Variants in TEF observed in about 807,000 individuals in gnomAD.
The protein encoded by TEF is TEF transcription factor, PAR bZIP family member.
A neutral mutation model predicts 20.8 loss-of-function variants in TEF; 3 were observed. The ratio of observed to expected loss-of-function variants is 0.14; its 90% CI spans 0.07 to 0.37. The LOEUF is 0.37. Among genes scored for constraint, TEF ranks in the 10% least tolerant of loss-of-function variants. TEF has a pLI of 1.00. For synonymous variants in TEF, 180 were observed against 171.1 expected, an observed-to-expected ratio of 1.05 and a Z score of -0.41; for missense variants, 296 against 397.9, an observed-to-expected ratio of 0.74 and a Z score of 2.18.
Position 41,387,483 on chromosome 22 carries a change from A to C in TEF, c.290A>C (p.Glu97Ala), listed in dbSNP as rs1914382406. Reference protein sequence around the residue: ...IPYDGESFHLEYMDLDEFLLE... With the variant: ...IPYDGESFHLAYMDLDEFLLE... ...TATGATGGCGAATCTTTCCACCTGG[A>C]GTACATGGACCTGGATGAGTTCCTG... The change falls in exon 2 of 4, where the codon GAG becomes GCG. Residue 97 changes from glutamate to alanine, a missense_variant. Physicochemically the swap from Glu to Ala is moderately radical, Grantham distance 107. Transcript: ENST00000266304. 6.2e-7 allele frequency: 1 copy of C among 1,614,066 alleles called. No homozygotes were observed. Among genetic ancestry groups the C allele is most frequent in the African/African-American group, 1.3e-5 (1 of 74,920 alleles).
intron 3 of TEF, 62 bp downstream of exon 3, chr22:41,394,378 C>A: frequency 6.8e-7 from 1 of 1,468,652 alleles, no homozygotes; most frequent in Non-Finnish European, 9.2e-7. Context: ...GGGGATATGG[C>A]TCCTCGCATT....
At chr22:41,391,615 C>T (rs5751091) in intron 2 of TEF, among the ~76,000 whole-genome samples, 4 of 149,524 alleles carry the variant, frequency 2.7e-5, no homozygotes, top group Non-Finnish European at 4.4e-5. Flanking sequence ...CACACCAGGC[C>T]GGCATCTGAC....
intron 1 of TEF, chr22:41,369,009 A>T (rs2036850696): frequency 1.0e-6 from 1 of 956,096 alleles, no homozygotes; most frequent in African/African-American, 1.8e-5. Flanking sequence ...GCTAAGGTAG[A>T]GGGTCCCCTC....
rs570599829 is a variant in TEF, at chr22:41,395,984, G to A, written c.*24G>A. 4.4e-6 allele frequency: 7 copies of A among 1,601,082 alleles called. No homozygotes were observed. The highest frequency in any genetic ancestry group is 6.0e-6 in the Non-Finnish European group (7 of 1,170,252). On this transcript the variant is annotated 3_prime_UTR_variant, in exon 4 of 4. Coordinates refer to ENST00000266304, the MANE Select transcript of TEF (RefSeq NM_003216.4). ...AACCCGTGCCCCCCGCCCGGGCGGG[G>A]TACTGCCTGCACCTCAGACCTCTGC...
At chr22:41,386,276 C>G (rs1265946906) in intron 1 of TEF, among the ~76,000 whole-genome samples, 8 of 151,670 alleles carry the variant, frequency 5.3e-5, no homozygotes, top group Non-Finnish European at 8.8e-5. Context: ...CCAGTCTCTA[C>G]TAAATACAAA....
At chr22:41,372,264 C>A (rs1038712411) in intron 1 of TEF, among the ~76,000 whole-genome samples, 3 of 152,054 alleles carry the variant, frequency 2.0e-5, no homozygotes, top group Admixed American at 2.0e-4. Context: ...TCTCTACCTG[C>A]CCCCCACCCC....
Position 41,394,190 on chromosome 22 carries a change from G to C in TEF, c.570G>C (p.Leu190=). The C allele has an allele frequency of 6.2e-7, 1 of 1,614,152 alleles. No individual in the cohort carries two copies. The highest frequency in any genetic ancestry group is 2.2e-5 in the East Asian group (1 of 44,892). ...ACTTCAATCCGGACCCCGCCGACCT[G>C]GTGCTCTCCAGTGTGCCAGGCGGGG... is the stretch of plus-strand genomic sequence containing the variant. ...DVNFNPDPAD[L]VLSSVPGGEL... The change falls in exon 3 of 4, where the codon CTG becomes CTC. Residue 190 remains leucine (L), a synonymous_variant. Transcript: ENST00000266304.
chr22:41,370,802 C>T (rs796265771), intron 1 of TEF, among the ~76,000 whole-genome samples: 12 of 152,176 alleles, frequency 7.9e-5, no homozygotes, highest in South Asian at 6.2e-4. Flanking sequence ...CAGCCCAGCC[C>T]GTGTAGACCT....
chr22:41,381,945 G>C lies in TEF; in HGVS notation c.-100G>C. On this transcript the variant is annotated 5_prime_UTR_variant, in exon 1 of 4. Coordinates refer to ENST00000266304, the MANE Select transcript of TEF (RefSeq NM_003216.4). Reference sequence around the variant, plus strand: ...GGGGGCGCCATTGGGCGCCTGCGCAGTAGCTGCCCGTGTCGGCAGCTGCAG... The same window carrying C: ...GGGGGCGCCATTGGGCGCCTGCGCACTAGCTGCCCGTGTCGGCAGCTGCAG... 1 of 1,226,952 alleles carries C rather than the reference G, an allele frequency of 8.2e-7. No individual in the cohort carries two copies. Among genetic ancestry groups the C allele is most frequent in the Admixed American group, 4.2e-5 (1 of 23,542 alleles). 76.0% of individuals were successfully genotyped at this position (1,226,952 alleles called of 1,614,324 possible).
chr22:41,382,036 C>T lies in TEF; in HGVS notation c.-9C>T, dbSNP rs1320461207. The stretch of plus-strand genomic sequence containing the variant: ...GGAGGCGAGGTGCGCGAGCCGAGTC[C>T]GGGGCACGATGTCCGACGCGGGCGG... On this transcript the variant is annotated 5_prime_UTR_variant, in exon 1 of 4. Coordinates refer to ENST00000266304, the MANE Select transcript of TEF (RefSeq NM_003216.4). 3.3e-6 allele frequency: 4 copies of T among 1,230,038 alleles called. No individual in the cohort carries two copies. Among genetic ancestry groups the T allele is most frequent in the Non-Finnish European group, 4.1e-6 (4 of 987,052 alleles). The allele number at this position is 1,230,038 out of a possible 1,614,324, so 76.2% of individuals were successfully genotyped here.
At chr22:41,395,595 G>T in intron 3 of TEF, 150 bp from the exon 4 acceptor site, 1 of 717,260 alleles carries the variant, frequency 1.4e-6, no homozygotes, top group Non-Finnish European at 2.3e-6. Flanking sequence ...TGCCCTCAAT[G>T]TGCCCTGGTT....
At chr22:41,388,388 C>T (rs766798450) in intron 2 of TEF, among the ~76,000 whole-genome samples, 2 of 151,614 alleles carry the variant, frequency 1.3e-5, no homozygotes, top group African/African-American at 2.4e-5. Flanking sequence ...CGGATTGAAG[C>T]GATTTTTATT....
intron 2 of TEF, among the ~76,000 whole-genome samples, chr22:41,390,157 T>G (rs2037148674): frequency 6.6e-6 from 1 of 152,180 alleles, no homozygotes; most frequent in Non-Finnish European, 1.5e-5. Flanking sequence ...TCCAAAGTTC[T>G]GGGATTACAA....
chr22:41,389,988 C>T (rs2037147166), intron 2 of TEF, among the ~76,000 whole-genome samples: 4 of 151,904 alleles, frequency 2.6e-5, no homozygotes, highest in African/African-American at 4.8e-5. Flanking sequence ...CAACCTCCGC[C>T]TCCTGGGTTT....
At chr22:41,382,225 GC>G in intron 1 of TEF, 24 bp downstream of exon 1, 1 of 1,227,350 alleles carries the variant, frequency 8.1e-7, no homozygotes, top group East Asian at 3.2e-5. Flanking sequence ...GGTGGTCCGC[GC>G]GGGCTGGGGG....
Position 41,395,835 on chromosome 22 carries a change from A to G in TEF, c.787A>G (p.Ile263Val), listed in dbSNP as rs772452353. The stretch of plus-strand genomic sequence containing the variant: ...GCGCCTGAAAGAGAATCAGATCACC[A>G]TCCGGGCAGCCTTCCTGGAGAAGGA... ...ARRLKENQITIRAAFLEKENT... is the reference protein window; with the variant it reads ...ARRLKENQITVRAAFLEKENT... The change falls in exon 4 of 4, where the codon ATC becomes GTC. Residue 263 changes from isoleucine (I) to valine (V), a missense_variant. Coordinates refer to ENST00000266304, the MANE Select transcript of TEF (RefSeq NM_003216.4). 2 of 1,614,176 alleles carry G rather than the reference A, an allele frequency of 1.2e-6. No individual in the cohort carries two copies. The highest frequency in any genetic ancestry group is 2.2e-5 in the South Asian group (2 of 91,084).
chr22:41,380,388 T>C (rs1194951617), upstream of TEF, among the ~76,000 whole-genome samples: 1 of 152,174 alleles, frequency 6.6e-6, no homozygotes, highest in Non-Finnish European at 1.5e-5. Context: ...ACTCCTGACC[T>C]CAGGTGATCC....
intron 3 of TEF, 98 bp from the exon 4 acceptor site, chr22:41,395,647 A>G: frequency 2.4e-6 from 3 of 1,238,292 alleles, no homozygotes; most frequent in Admixed American, 2.0e-5. Flanking sequence ...AGCTCTGGCC[A>G]CACCAGATGA....
chr22:41,397,539 C>T lies in TEF; in HGVS notation c.*1579C>T, dbSNP rs1259383305. 6.4e-6 allele frequency: 1 copy of T among 155,252 alleles called. No individual in the cohort carries two copies. The highest frequency in any genetic ancestry group is 1.4e-5 in the Non-Finnish European group (1 of 69,876). 9.6% of individuals were successfully genotyped at this position (155,252 alleles called of 1,614,324 possible). A position where few individuals can be genotyped will look rare whatever the true frequency, so the allele number is the denominator to read the frequency against. On this transcript the variant is annotated 3_prime_UTR_variant, in exon 4 of 4. Coordinates refer to ENST00000266304, the MANE Select transcript of TEF (RefSeq NM_003216.4). ...CCTGACCTCTAAAGACTTTTCATAA[C>T]AGACGTTAAGACCAAGCCGTGGACC...
Sources: gnomAD v4.1 joint callset for allele counts (sites outside exome capture counted in the v4.1 genomes callset) on GRCh38, gnomAD v4.1.1 for gene constraint, MANE v1.5 for transcripts, NCBI Gene and HGNC (gene_info 2026-07-23, HGNC 2026-07-21) for gene names.